Variants in HHAT observed in about 807,000 individuals in gnomAD.
HHAT encodes the protein hedgehog acyltransferase.
A neutral mutation model predicts 70.8 loss-of-function variants in HHAT; 47 were observed. The ratio of observed to expected loss-of-function variants is 0.66; its 90% CI spans 0.53 to 0.85. The LOEUF is 0.85. Among genes scored for constraint, HHAT ranks in the 40% least tolerant of loss-of-function variants. The pLI, the probability that HHAT is intolerant of heterozygous loss-of-function variation, is 0.00. For synonymous variants in HHAT, 228 were observed against 247.6 expected (o/e 0.92, Z 0.74); for missense variants, 609 against 604.8 (o/e 1.01, Z -0.07).
chr1:210,639,811 T>C (rs1051395673), intron 11 of HHAT, among the ~76,000 whole-genome samples: 33 of 152,152 alleles, frequency 2.2e-4, no homozygotes, highest in Non-Finnish European at 3.4e-4. Flanking sequence ...TTGCCCAACC[T>C]CCAGTACAGT....
At chr1:210,396,730 T>C (rs1375398369) in intron 4 of HHAT, among the ~76,000 whole-genome samples, 1 of 152,220 alleles carries the variant, frequency 6.6e-6, no homozygotes, top group Non-Finnish European at 1.5e-5. Flanking sequence ...AGCTGTGGTA[T>C]ATCCACATCA....
At chr1:210,369,376 C>T (rs1320894405) in intron 3 of HHAT, among the ~76,000 whole-genome samples, 2 of 152,192 alleles carry the variant, frequency 1.3e-5, no homozygotes, top group South Asian at 2.1e-4. Context: ...GAGACAGAGG[C>T]AGACGGGAGC....
At chr1:210,629,830 TTTTTTTTGTTTTTTG>T (rs1202428942) in intron 11 of HHAT, among the ~76,000 whole-genome samples, 1 of 112,478 alleles carries the variant, frequency 8.9e-6, no homozygotes, top group African/African-American at 3.4e-5. Context: ...TGTTTCTGTT[TTTTTTTTGTTTTTTG>T]TTTTTTGTTT....
chr1:210,427,407 T>G (rs2093097597), intron 7 of HHAT, among the ~76,000 whole-genome samples: 1 of 152,200 alleles, frequency 6.6e-6, no homozygotes, highest in African/African-American at 2.4e-5. Flanking sequence ...GTTATTAACT[T>G]GAGATCTTTC....
chr1:210,538,591 ACTC>A (rs1485347723), intron 9 of HHAT, among the ~76,000 whole-genome samples: 1 of 152,128 alleles, frequency 6.6e-6, no homozygotes, highest in Admixed American at 6.6e-5. Context: ...ACTTGAAAAT[ACTC>A]CTATGAGGAA....
chr1:210,584,847 A>G (rs777662451), intron 9 of HHAT, among the ~76,000 whole-genome samples: 1 of 152,212 alleles, frequency 6.6e-6, no homozygotes, highest in Non-Finnish European at 1.5e-5. Flanking sequence ...AGGTTTGCCC[A>G]TCCTTATAGC....
chr1:210,330,000 A>G (rs655213), intron 1 of HHAT, among the ~76,000 whole-genome samples: 114,930 of 152,058 alleles, frequency 0.76, 44,610 homozygotes, highest in African/African-American at 0.94. Context: ...GCCCACCTCG[A>G]CCTCCCAAAG....
At chr1:210,520,365 A>G (rs1332823361) in intron 9 of HHAT, among the ~76,000 whole-genome samples, 6 of 152,144 alleles carry the variant, frequency 3.9e-5, no homozygotes, top group Admixed American at 6.6e-5. Context: ...CAGGATTACT[A>G]TTGATAAGTA....
chr1:210,589,445 A>G (rs1661182579), intron 10 of HHAT: 1 of 152,244 alleles, frequency 6.6e-6, no homozygotes, highest in Admixed American at 6.5e-5. Flanking sequence ...ACACAGGAAA[A>G]CCAAAAAGGA....
At chr1:210,488,672 C>T (rs546685664) in intron 8 of HHAT, among the ~76,000 whole-genome samples, 6 of 152,240 alleles carry the variant, frequency 3.9e-5, no homozygotes, top group Non-Finnish European at 7.4e-5. Context: ...GTGGGAGGAT[C>T]GCTTGAGCCC....
At chr1:210,605,350 G>A (rs1319185406) in intron 10 of HHAT, among the ~76,000 whole-genome samples, 2 of 152,156 alleles carry the variant, frequency 1.3e-5, no homozygotes, top group Admixed American at 1.3e-4. Flanking sequence ...CAGACTAGAA[G>A]AATCTTCTTT....
chr1:210,362,445 T>A (rs956929254), intron 2 of HHAT, among the ~76,000 whole-genome samples: 1 of 152,174 alleles, frequency 6.6e-6, no homozygotes, highest in African/African-American at 2.4e-5. Context: ...CAGGCTGGTC[T>A]CAAACTCCTG....
intron 11 of HHAT, among the ~76,000 whole-genome samples, chr1:210,650,116 C>T (rs561018275): frequency 2.9e-4 from 44 of 152,306 alleles, no homozygotes; most frequent in African/African-American, 9.1e-4. Context: ...GAACATGACT[C>T]GGAAACAGCT....
chr1:210,539,481 G>A (rs1327791373), intron 9 of HHAT, among the ~76,000 whole-genome samples: 2 of 152,214 alleles, frequency 1.3e-5, no homozygotes, highest in African/African-American at 4.8e-5. Flanking sequence ...TAAAGTGGTA[G>A]GAGTAGGAGT....
chr1:210,422,820 A>G (rs1244754589), intron 7 of HHAT, among the ~76,000 whole-genome samples: 1 of 152,092 alleles, frequency 6.6e-6, no homozygotes, highest in African/African-American at 2.4e-5. Context: ...TATTTTTAGT[A>G]GAGACGGGGT....
intron 8 of HHAT, among the ~76,000 whole-genome samples, chr1:210,486,170 C>T (rs1352925248): frequency 2.0e-5 from 3 of 152,144 alleles, no homozygotes; most frequent in Non-Finnish European, 4.4e-5. Context: ...TAACTTCTTA[C>T]TACTCCCCTA....
At chr1:210,430,338 A>G (rs2093206222) in intron 7 of HHAT, among the ~76,000 whole-genome samples, 1 of 151,858 alleles carries the variant, frequency 6.6e-6, no homozygotes, top group South Asian at 2.1e-4. Context: ...AATTATATTT[A>G]GGAGCCAAGA....
chr1:210,498,659 T>C (rs1207912688), intron 8 of HHAT, among the ~76,000 whole-genome samples: 4 of 152,230 alleles, frequency 2.6e-5, no homozygotes, highest in African/African-American at 7.2e-5. Context: ...CACCCGGCTT[T>C]AGTATTAATT....
rs559706936 is a variant in HHAT at position 210,494,575 on chromosome 1, A to T, written c.1008-18578A>T. Among the ~76,000 whole-genome samples the T allele has an allele frequency of 4.2e-5, 3 of 71,972 alleles. No homozygotes were observed. In the East Asian group the frequency reaches 1.2e-3, roughly 29 times the overall value. The allele number at this position is 71,972 out of a possible 152,430, so 47.2% of individuals were successfully genotyped here. ...TTTTTTTTTTTTTTTTTTTTGAGACAGAGTTTGCTCTTTTTTCCCAGGCTG... is the reference window on the plus strand; with the variant it reads ...TTTTTTTTTTTTTTTTTTTTGAGACTGAGTTTGCTCTTTTTTCCCAGGCTG... On this transcript the variant is annotated intron_variant, in intron 8 of 11. Coordinates refer to ENST00000261458, the MANE Select transcript of HHAT (RefSeq NM_018194.6).
Sources: gnomAD v4.1 joint callset for allele counts (sites outside exome capture counted in the v4.1 genomes callset) on GRCh38, gnomAD v4.1.1 for gene constraint, MANE v1.5 for transcripts, NCBI Gene and HGNC (gene_info 2026-07-23, HGNC 2026-07-21) for gene names.